TPD52: variants seen among roughly 807,000 people sequenced by gnomAD.
The protein encoded by TPD52 is tumor protein D52.
Under a neutral mutation model 31.3 loss-of-function variants are expected in TPD52, and 17 were observed. That is an observed-to-expected ratio of 0.54 (90% confidence interval 0.37 to 0.82). The LOEUF is 0.82. Ranked by LOEUF, TPD52 falls within the 40% of genes least tolerant of loss-of-function variation. The probability of loss-of-function intolerance (pLI) is 0.00; values close to 1 mark genes in which losing one functional copy is unlikely to be tolerated. For synonymous variants in TPD52, 83 were observed against 89.6 expected (o/e 0.93, Z 0.42); for missense variants, 212 against 240.1 (o/e 0.88, Z 0.77).
intron 2 of TPD52, among the ~76,000 whole-genome samples, chr8:80,061,377 GC>G (rs200218765): frequency 1.2e-4 from 10 of 80,164 alleles, no homozygotes; most frequent in African/African-American, 4.9e-4. Flanking sequence ...CCCCCCCACC[GC>G]CCCCCCCAAA....
intron 1 of TPD52, among the ~76,000 whole-genome samples, chr8:80,082,763 C>G (rs1314475191): frequency 6.6e-6 from 1 of 152,258 alleles, no homozygotes; most frequent in Non-Finnish European, 1.5e-5. Context: ...CTCCAGGGCG[C>G]TCTACCGGAT....
intron 5 of TPD52, among the ~76,000 whole-genome samples, chr8:80,048,364 T>G (rs1452250915): frequency 6.6e-6 from 1 of 152,232 alleles, no homozygotes; most frequent in African/African-American, 2.4e-5. Context: ...CTGCTGCATT[T>G]TCTCCTTCTA....
chr8:80,105,505 T>TA (rs1415071474), intron 1 of TPD52, among the ~76,000 whole-genome samples: 1 of 152,070 alleles, frequency 6.6e-6, no homozygotes, highest in Admixed American at 6.6e-5. Context: ...TGGACCCCCT[T>TA]AGAGTTGTAA....
chr8:80,160,624 C>A (rs2131251927), intron 1 of TPD52, among the ~76,000 whole-genome samples: 1 of 152,260 alleles, frequency 6.6e-6, no homozygotes, highest in East Asian at 1.9e-4. Flanking sequence ...TTCTGGTTTA[C>A]TAGTAGCAAG....
intron 1 of TPD52, among the ~76,000 whole-genome samples, chr8:80,116,281 A>T (rs1807858763): frequency 2.0e-5 from 3 of 152,250 alleles, no homozygotes; most frequent in Admixed American, 2.0e-4. Context: ...AATATAAAGC[A>T]TTAAAAAGCA....
chr8:80,102,502 G>A (rs997647057), intron 1 of TPD52, among the ~76,000 whole-genome samples: 2 of 152,206 alleles, frequency 1.3e-5, no homozygotes, highest in African/African-American at 2.4e-5. Context: ...GCAACTACAC[G>A]AGTGTGAAGA....
intron 1 of TPD52, among the ~76,000 whole-genome samples, chr8:80,111,969 C>G (rs1807527382): frequency 6.6e-6 from 1 of 152,206 alleles, no homozygotes; most frequent in African/African-American, 2.4e-5. Context: ...CTAAATAAAC[C>G]ATTGTATGTG....
intron 2 of TPD52, among the ~76,000 whole-genome samples, chr8:80,059,315 A>T (rs542563254): frequency 2.0e-5 from 3 of 152,292 alleles, no homozygotes; most frequent in African/African-American, 7.2e-5. Context: ...AACTGTCAGT[A>T]AGAAATGTAT....
chr8:80,136,712 C>T (rs1454457006), intron 1 of TPD52, among the ~76,000 whole-genome samples: 1 of 152,042 alleles, frequency 6.6e-6, no homozygotes, highest in East Asian at 1.9e-4. Context: ...TCTGAACACT[C>T]AACAGCTCCT....
At chr8:80,064,913 A>G (rs1048819519) in intron 1 of TPD52, 1 of 497,186 alleles carries the variant, frequency 2.0e-6, no homozygotes, top group African/African-American at 1.9e-5. Context: ...GAGACTTTAA[A>G]TTGCTGCAAA....
chr8:80,118,391 TAGAC>T (rs1808023528), intron 1 of TPD52, among the ~76,000 whole-genome samples: 2 of 152,172 alleles, frequency 1.3e-5, no homozygotes, highest in Non-Finnish European at 2.9e-5. Flanking sequence ...AATGGTTTCT[TAGAC>T]AGGACACCAA....
At chr8:80,157,911 A>T (rs1000369705) in intron 1 of TPD52, among the ~76,000 whole-genome samples, 1 of 152,200 alleles carries the variant, frequency 6.6e-6, no homozygotes, top group African/African-American at 2.4e-5. Flanking sequence ...CATTAAAAGC[A>T]TCTTAACTAA....
At chr8:80,061,229 T>C (rs1410414231) in intron 2 of TPD52, among the ~76,000 whole-genome samples, 3 of 151,810 alleles carry the variant, frequency 2.0e-5, no homozygotes, top group South Asian at 2.1e-4. Flanking sequence ...CCGGGCGTAG[T>C]GGCACATTCG....
intron 1 of TPD52, among the ~76,000 whole-genome samples, chr8:80,128,494 C>CAAGAAAAAAA (rs1808789166): frequency 2.4e-5 from 2 of 83,150 alleles, no homozygotes; most frequent in Non-Finnish European, 4.4e-5. Context: ...CCTGTCTCTA[C>CAAGAAAAAAA]AAAAAAAAAA....
At chr8:80,076,168 G>A (rs925642512) in intron 1 of TPD52, among the ~76,000 whole-genome samples, 2 of 152,110 alleles carry the variant, frequency 1.3e-5, no homozygotes, top group African/African-American at 4.8e-5. Context: ...TACACCCAAA[G>A]GAATATAAAC....
chr8:80,143,904 T>A (rs1264176970), intron 1 of TPD52, among the ~76,000 whole-genome samples: 1 of 152,106 alleles, frequency 6.6e-6, no homozygotes, highest in African/African-American at 2.4e-5. Flanking sequence ...CTTGTAATGT[T>A]CATGAAACAT....
At chr8:80,050,911 T>A (rs946075717) in intron 4 of TPD52, among the ~76,000 whole-genome samples, 1 of 151,004 alleles carries the variant, frequency 6.6e-6, no homozygotes, top group African/African-American at 2.4e-5. Flanking sequence ...TTCATCACTA[T>A]CCTAATCCAC....
At chr8:80,168,202 A>C (rs962409076) in intron 1 of TPD52, among the ~76,000 whole-genome samples, 7 of 152,064 alleles carry the variant, frequency 4.6e-5, no homozygotes, top group African/African-American at 1.7e-4. Context: ...TGGGCCTGAT[A>C]CTACAGAGCA....
chr8:80,080,490 C>T (rs749898888), intron 1 of TPD52: 6 of 1,609,700 alleles, frequency 3.7e-6, no homozygotes, highest in Non-Finnish European at 5.1e-6. Flanking sequence ...GTCTAATCGC[C>T]TGATATCAGC....
Sources: allele counts gnomAD v4.1 joint callset (sites outside exome capture counted in the v4.1 genomes callset), GRCh38; gene constraint gnomAD v4.1.1; transcripts MANE v1.5; gene names NCBI Gene and HGNC (gene_info 2026-07-23, HGNC 2026-07-21).